The following RAD54B variants were observed in gnomAD, a reference collection of about 807,000 sequenced individuals.
RAD54B encodes RAD54 homolog B.
A neutral mutation model predicts 95.8 loss-of-function variants in RAD54B; 78 were observed. That is an observed-to-expected ratio of 0.81 (90% CI 0.68 to 0.98). The LOEUF is 0.98. Ranked by LOEUF, RAD54B falls within the 50% of genes least tolerant of loss-of-function variation. The pLI is 0.00. For synonymous variants in RAD54B, 328 were observed against 354.9 expected (o/e 0.92, Z 0.85); for missense variants, 957 against 1,056.6 (o/e 0.91, Z 1.31).
intron 3 of RAD54B, among the ~76,000 whole-genome samples, chr8:94,419,817 C>T (rs572295023): frequency 6.6e-6 from 1 of 150,726 alleles, no homozygotes; most frequent in Non-Finnish European, 1.5e-5. Flanking sequence ...TGAAATAAGC[C>T]CACTCACACT....
chr8:94,377,563 A>C (rs940461222), intron 14 of RAD54B, among the ~76,000 whole-genome samples: 35 of 83,330 alleles, frequency 4.2e-4, no homozygotes, highest in African/African-American at 1.8e-4. Context: ...AAAAAAAAAA[A>C]AAAAAAAAAA....
intron 11 of RAD54B, among the ~76,000 whole-genome samples, chr8:94,382,058 G>C (rs1339682132): frequency 6.7e-6 from 1 of 149,534 alleles, no homozygotes; most frequent in Non-Finnish European, 1.5e-5. Context: ...AGCTTGCAGT[G>C]AGCCGAGATC....
rs1168090774 is a variant in RAD54B, at chr8:94,378,620, T to A, written c.2262A>T (p.Val754=). 1.2e-6 allele frequency: 2 copies of A among 1,608,810 alleles called. No individual in the cohort carries two copies. Among genetic ancestry groups the A allele is most frequent in the Admixed American group, 3.4e-5 (2 of 59,568 alleles). Residue 754 remains valine (V), a synonymous_variant, in exon 13 of 15, where the codon GTA becomes GTT. Transcript: ENST00000336148. The part of the protein sequence containing the change: ...PATDIQAMSR[V]WRDGQKYPVH... ...CAGGATATTTCTGACCATCTCTCCA[T>A]ACTCTAGACATTGCCTATAGAAAAT...
chr8:94,430,623 G>A (rs1455337857), intron 3 of RAD54B: 3 of 608,960 alleles, frequency 4.9e-6, no homozygotes, highest in Non-Finnish European at 6.2e-6. Context: ...CCCATACTTG[G>A]AAAACCATTG....
chr8:94,432,060 T>A, intron 3 of RAD54B: 1 of 1,468,476 alleles, frequency 6.8e-7, no homozygotes, highest in Admixed American at 2.7e-5. Flanking sequence ...GTATTCTGTT[T>A]CAGGATATTC....
chr8:94,376,408 A>C (rs1393059598), intron 14 of RAD54B, among the ~76,000 whole-genome samples: 5 of 152,118 alleles, frequency 3.3e-5, no homozygotes, highest in Non-Finnish European at 7.4e-5. Flanking sequence ...TATAGTCTTA[A>C]ATATCCACTT....
chr8:94,429,978 C>T, intron 3 of RAD54B: 1 of 985,342 alleles, frequency 1.0e-6, no homozygotes, highest in South Asian at 4.7e-5. Flanking sequence ...TAATTCAAAG[C>T]ATTCAATGGC....
chr8:94,468,684 C>A (rs1563668567), intron 1 of RAD54B, among the ~76,000 whole-genome samples: 1 of 151,892 alleles, frequency 6.6e-6, no homozygotes, highest in Non-Finnish European at 1.5e-5. Flanking sequence ...CAAAAATTAG[C>A]CAGGAGTGGT....
intron 3 of RAD54B, among the ~76,000 whole-genome samples, chr8:94,453,904 G>A (rs1812722279): frequency 6.6e-6 from 1 of 151,980 alleles, no homozygotes; most frequent in Admixed American, 6.6e-5. Context: ...CAATTCTCTG[G>A]CCTCAGCCTC....
intron 14 of RAD54B, among the ~76,000 whole-genome samples, chr8:94,376,314 G>T (rs1810570519): frequency 1.3e-5 from 2 of 151,972 alleles, no homozygotes; most frequent in Admixed American, 6.5e-5. Flanking sequence ...AGACAAAGAA[G>T]AAATCATAAT....
intron 3 of RAD54B, among the ~76,000 whole-genome samples, chr8:94,441,585 T>G (rs1812396777): frequency 6.6e-6 from 1 of 152,188 alleles, no homozygotes; most frequent in African/African-American, 2.4e-5. Flanking sequence ...TTCAGCTATC[T>G]CGAAGCTCTA....
chr8:94,404,948 G>T (rs1244527352), intron 5 of RAD54B, among the ~76,000 whole-genome samples: 1 of 151,896 alleles, frequency 6.6e-6, no homozygotes, highest in East Asian at 1.9e-4. Flanking sequence ...CAAGTACCTG[G>T]GATTACAGGT....
chr8:94,383,624 T>C (rs1810795571), intron 11 of RAD54B, among the ~76,000 whole-genome samples: 1 of 152,236 alleles, frequency 6.6e-6, no homozygotes, highest in African/African-American at 2.4e-5. Context: ...TATAACTTTA[T>C]CACTGGTATG....
intron 3 of RAD54B, 39 bp downstream of exon 3, chr8:94,458,229 T>C (rs757110748): frequency 4.0e-6 from 6 of 1,496,438 alleles, no homozygotes; most frequent in Non-Finnish European, 5.4e-6. Context: ...GTAATACTAT[T>C]GGTCAAGCAT....
intron 1 of RAD54B, among the ~76,000 whole-genome samples, chr8:94,473,284 A>G (rs1813211826): frequency 6.6e-6 from 1 of 152,218 alleles, no homozygotes; most frequent in African/African-American, 2.4e-5. Context: ...GTAAAATGGT[A>G]AGGCCAAGCT....
chr8:94,432,297 A>C, intron 3 of RAD54B: 2 of 1,550,300 alleles, frequency 1.3e-6, no homozygotes, highest in Non-Finnish European at 1.7e-6. Context: ...TTCTAAAATT[A>C]TCTGATGCTC....
chr8:94,438,833 A>G (rs977173460), intron 3 of RAD54B, among the ~76,000 whole-genome samples: 1 of 152,194 alleles, frequency 6.6e-6, no homozygotes, highest in African/African-American at 2.4e-5. Context: ...TCAGTGGCAC[A>G]TGGGCCTGTA....
At chr8:94,467,272 GT>G in intron 2 of RAD54B, 132 bp downstream of exon 2, 1 of 803,356 alleles carries the variant, frequency 1.2e-6, no homozygotes, top group Non-Finnish European at 1.8e-6. Context: ...CATTTCCAAG[GT>G]TTTTAGAAGA....
At chr8:94,378,128 CAAGA>C in intron 14 of RAD54B, 48 bp downstream of exon 14, 4 of 1,308,976 alleles carry the variant, frequency 3.1e-6, no homozygotes, top group Non-Finnish European at 3.1e-6. Context: ...CAACTGCTAA[CAAGA>C]AATAAATTAA....
Sources: allele counts gnomAD v4.1 joint callset (sites outside exome capture counted in the v4.1 genomes callset), GRCh38; gene constraint gnomAD v4.1.1; transcripts MANE v1.5; gene names NCBI Gene and HGNC (gene_info 2026-07-23, HGNC 2026-07-21).